The following SPMAP2L variants were observed in gnomAD, a reference collection of about 807,000 sequenced individuals.
SPMAP2L encodes the protein sperm microtubule associated protein 2 like.
At chr4:56,593,086 G>A in the SPMAP2L span, 1 of 1,580,860 alleles carries the variant, frequency 6.3e-7, no homozygotes, top group Non-Finnish European at 8.7e-7. Flanking sequence ...ACTGCTCAGT[G>A]CCACAGACGA....
the SPMAP2L span, chr4:56,559,563 T>TTTG: frequency 7.0e-7 from 1 of 1,434,426 alleles, no homozygotes; most frequent in African/African-American, 1.5e-5. Context: ...CAGGAGGTTT[T>TTTG]TTGTTGTTGT....
chr4:56,597,732 G>T, the SPMAP2L span, among the ~76,000 whole-genome samples: 1 of 152,176 alleles, frequency 6.6e-6, no homozygotes, highest in African/African-American at 2.4e-5. Context: ...TAGAAAAAAG[G>T]AATACCACTG....
the SPMAP2L span, among the ~76,000 whole-genome samples, chr4:56,572,188 G>A: frequency 6.6e-6 from 1 of 152,006 alleles, no homozygotes; most frequent in African/African-American, 2.4e-5. Context: ...GATTTTACAG[G>A]GAAGTTAAAA....
chr4:56,560,731 A>G, the SPMAP2L span, among the ~76,000 whole-genome samples: 1 of 151,694 alleles, frequency 6.6e-6, no homozygotes, highest in Non-Finnish European at 1.5e-5. Flanking sequence ...CCTGGCCAGC[A>G]TGTTTGAAAC....
chr4:56,600,843 A>G, the SPMAP2L span: 1 of 1,301,230 alleles, frequency 7.7e-7, no homozygotes, highest in Non-Finnish European at 1.0e-6. Flanking sequence ...CCAGAAAAGA[A>G]ATGATTGTGA....
the SPMAP2L span, among the ~76,000 whole-genome samples, chr4:56,544,063 G>C: frequency 1.3e-5 from 2 of 151,562 alleles, no homozygotes; most frequent in Non-Finnish European, 1.5e-5. Flanking sequence ...TAGGCTCACT[G>C]CAACAACCTC....
chr4:56,584,785 C>A, the SPMAP2L span, among the ~76,000 whole-genome samples: 2 of 152,184 alleles, frequency 1.3e-5, no homozygotes, highest in Non-Finnish European at 2.9e-5. Context: ...ATCAGAGAAG[C>A]AGAACCACTA....
chr4:56,553,935 C>T, the SPMAP2L span, among the ~76,000 whole-genome samples: 8 of 151,906 alleles, frequency 5.3e-5, no homozygotes, highest in Non-Finnish European at 7.4e-5. Flanking sequence ...TGGAACTGTA[C>T]AGTACGTAAT....
At chr4:56,578,425 G>C in the SPMAP2L span, among the ~76,000 whole-genome samples, 43 of 151,660 alleles carry the variant, frequency 2.8e-4, no homozygotes, top group African/African-American at 9.9e-4. Context: ...AGAAATGAAA[G>C]AACAAAGGAA....
At chr4:56,550,190 G>A in the SPMAP2L span, among the ~76,000 whole-genome samples, 3 of 151,758 alleles carry the variant, frequency 2.0e-5, no homozygotes, top group Non-Finnish European at 1.5e-5. Flanking sequence ...ATCTCACTAC[G>A]TTGCCCAGGC....
the SPMAP2L span, among the ~76,000 whole-genome samples, chr4:56,553,180 C>CTTTT: frequency 6.7e-5 from 2 of 29,990 alleles, no homozygotes; most frequent in Non-Finnish European, 1.1e-4. Flanking sequence ...TCTCCTATTG[C>CTTTT]TTTTTTTTTT....
At chr4:56,556,693 G>A in the SPMAP2L span, among the ~76,000 whole-genome samples, 361 of 152,174 alleles carry the variant, frequency 2.4e-3, 3 homozygotes, top group African/African-American at 8.3e-3. Context: ...CCAACATGGC[G>A]AAACCCCATC....
At chr4:56,543,971 TGTGAGAGA>T in the SPMAP2L span, among the ~76,000 whole-genome samples, 1,349 of 91,790 alleles carry the variant, frequency 0.015, 44 homozygotes, top group African/African-American at 0.064. Flanking sequence ...TGTGTGTGTA[TGTGAGAGA>T]GAGAGAGAGA....
chr4:56,619,831 A>C, the SPMAP2L span, among the ~76,000 whole-genome samples: 1 of 152,324 alleles, frequency 6.6e-6, no homozygotes, highest in East Asian at 1.9e-4. Context: ...AAGGGGTTAA[A>C]CCCCAATATA....
the SPMAP2L span, among the ~76,000 whole-genome samples, chr4:56,541,433 A>AT: frequency 6.6e-6 from 1 of 152,158 alleles, no homozygotes; most frequent in Non-Finnish European, 1.5e-5. Context: ...CACTAGAGTC[A>AT]TTTTTTGAGT....
chr4:56,601,164 G>A, the SPMAP2L span: 5 of 1,461,166 alleles, frequency 3.4e-6, no homozygotes, highest in Non-Finnish European at 4.5e-6. Context: ...CTGGGGAGAG[G>A]GAGAAAGTTG....
chr4:56,592,039 C>T, the SPMAP2L span, among the ~76,000 whole-genome samples: 2 of 152,214 alleles, frequency 1.3e-5, no homozygotes, highest in East Asian at 3.8e-4. Context: ...AATCAGGCAG[C>T]ACAGCAGGAG....
chr4:56,534,762 G>A, the SPMAP2L span, among the ~76,000 whole-genome samples: 1 of 152,020 alleles, frequency 6.6e-6, no homozygotes, highest in Admixed American at 6.6e-5. Flanking sequence ...CCCCGTCTCT[G>A]CTAAAAATAC....
At chr4:56,607,952 C>A in the SPMAP2L span, among the ~76,000 whole-genome samples, 1 of 145,688 alleles carries the variant, frequency 6.9e-6, no homozygotes. Flanking sequence ...ATGATTGTGC[C>A]ACTGCATTCT....
Sources: gnomAD v4.1 joint callset for allele counts (sites outside exome capture counted in the v4.1 genomes callset) on GRCh38, gnomAD v4.1.1 for gene constraint, MANE v1.5 for transcripts, NCBI Gene and HGNC (gene_info 2026-07-23, HGNC 2026-07-21) for gene names.